Variants in FAM186A observed in about 807,000 individuals in gnomAD.
FAM186A encodes the protein family with sequence similarity 186 member A, also known as protein FAM186A.
FAM186A carries 163 observed loss-of-function variants against 216.8 expected under a neutral mutation model. That is an observed-to-expected ratio of 0.75 (90% confidence interval 0.66 to 0.86). The LOEUF (loss-of-function observed/expected upper bound fraction) is 0.86. Among genes scored for constraint, FAM186A ranks in the 40% least tolerant of loss-of-function variants. FAM186A has a pLI of 0.00. For synonymous variants in FAM186A, 805 were observed against 1,025.3 expected (o/e 0.79, Z 4.10); for missense variants, 2,184 against 2,746.2 (o/e 0.80, Z 4.58).
chr12:50,353,659 AG>A lies in FAM186A; in HGVS notation c.3172del (p.Leu1058CysfsTer50). The A allele has an allele frequency of 1.3e-6, 2 of 1,537,598 alleles. No homozygotes were observed. Among genetic ancestry groups the A allele is most frequent in the Non-Finnish European group, 1.8e-6 (2 of 1,141,574 alleles). ...ITPPPSLQYS[L>X]PGALPISGQP... Reference sequence around the variant, plus strand: ...GCCAGAAATAGGAAGAGCTCCAGGCAGGGAGTATTGTAGGGAGGGGGGAGGT... The same window carrying A: ...GCCAGAAATAGGAAGAGCTCCAGGCAGGAGTATTGTAGGGAGGGGGGAGGT... On this transcript the variant is annotated frameshift_variant, in exon 4 of 8. Transcript: ENST00000327337. LOFTEE classifies it high-confidence loss of function.
chr12:50,360,712 C>A, intron 3 of FAM186A, 44 bp downstream of exon 3: 1 of 1,442,198 alleles, frequency 6.9e-7, no homozygotes, highest in Non-Finnish European at 9.1e-7. Flanking sequence ...AAGAAAAAGT[C>A]AAACTCCATC....
At chr12:50,388,894 A>G (rs1229953879) in intron 1 of FAM186A, among the ~76,000 whole-genome samples, 1 of 151,578 alleles carries the variant, frequency 6.6e-6, no homozygotes, top group African/African-American at 2.4e-5. Flanking sequence ...TTCTACCAAA[A>G]ATACAAAAAT....
In FAM186A at chr12:50,354,059, G is replaced by A; in HGVS notation, c.2773C>T (p.Leu925=). The A allele has an allele frequency of 6.4e-7, 1 of 1,551,644 alleles. No individual in the cohort carries two copies. The highest frequency in any genetic ancestry group is 8.7e-7 in the Non-Finnish European group (1 of 1,146,986). ...EELPKSSLQR[L]EEGTQKMKTQ... ...TTCATTTTTTGGGTCCCTTCTTCCAGCCGCTGCAGGCTTGACTTTGGAAGC... is the reference window on the plus strand; with the variant it reads ...TTCATTTTTTGGGTCCCTTCTTCCAACCGCTGCAGGCTTGACTTTGGAAGC... Residue 925 remains leucine (L), a synonymous_variant, in exon 4 of 8, where the codon CTG becomes TTG. Coordinates refer to ENST00000327337, the MANE Select transcript of FAM186A (RefSeq NM_001145475.3).
chr12:50,375,172 C>T (rs906491712), intron 1 of FAM186A, among the ~76,000 whole-genome samples: 5 of 151,744 alleles, frequency 3.3e-5, no homozygotes, highest in African/African-American at 1.2e-4. Flanking sequence ...AGTGACACTC[C>T]ATCTCAAAAA....
intron 4 of FAM186A, among the ~76,000 whole-genome samples, chr12:50,344,635 G>A (rs1425846577): frequency 6.6e-6 from 1 of 152,060 alleles, no homozygotes; most frequent in African/African-American, 2.4e-5. Context: ...CCCAGTAATG[G>A]GATTGCTGGG....
chr12:50,359,324 G>T (rs1355142715), intron 3 of FAM186A, among the ~76,000 whole-genome samples: 1 of 152,034 alleles, frequency 6.6e-6, no homozygotes, highest in South Asian at 2.1e-4. Context: ...CTTGAACCCG[G>T]GAGGTGGAGG....
rs1260706086 is a variant in FAM186A at position 50,351,399 on chromosome 12, C to T, written c.5433G>A (p.Ala1811=). 15 of 1,468,636 alleles carry T rather than the reference C, an allele frequency of 1.0e-5. No homozygotes were observed. Among genetic ancestry groups the T allele is most frequent in the South Asian group, 1.5e-5 (1 of 68,406 alleles). The allele number at this position is 1,468,636 out of a possible 1,614,324, so 91.0% of individuals were successfully genotyped here. A position where few individuals can be genotyped will look rare whatever the true frequency, so the allele number is the denominator to read the frequency against. ...TLVYGGQSTS[A]QFPAPQAPPS... ...GAGGGGCCTGTGGTGCCGGGAACTG[C>T]GCAGAAGTGGATTGACCTCCGTATA... The change falls in exon 4 of 8, where the codon GCG becomes GCA. Residue 1811 remains alanine, a synonymous_variant. Coordinates refer to ENST00000327337, the MANE Select transcript of FAM186A (RefSeq NM_001145475.3).
chr12:50,346,191 G>GA (rs1942810408), intron 4 of FAM186A, among the ~76,000 whole-genome samples: 1 of 56,170 alleles, frequency 1.8e-5, no homozygotes, highest in Non-Finnish European at 3.3e-5. Context: ...AGAAAGGAAA[G>GA]AAAGAAAGAA....
At chr12:50,363,975 C>T (rs1420795407) in intron 1 of FAM186A, among the ~76,000 whole-genome samples, 2 of 152,148 alleles carry the variant, frequency 1.3e-5, no homozygotes, top group Non-Finnish European at 2.9e-5. Flanking sequence ...CTCTTTTCTT[C>T]ACTCTATCCT....
intron 1 of FAM186A, among the ~76,000 whole-genome samples, chr12:50,368,965 T>TAA (rs754206682): frequency 7.4e-6 from 1 of 135,206 alleles, no homozygotes; most frequent in Non-Finnish European, 1.6e-5. Flanking sequence ...GACAGTCTTT[T>TAA]AAAAAAAAAA....
chr12:50,372,905 AAAAAAAAAAAAAG>A (rs1943155279), intron 1 of FAM186A, among the ~76,000 whole-genome samples: 1 of 147,322 alleles, frequency 6.8e-6, no homozygotes, highest in African/African-American at 2.5e-5. Flanking sequence ...CTCCGTCTAA[AAAAAAAAAAAAAG>A]AAAAAAGAAA....
Position 50,363,332 on chromosome 12 carries a change from G to T in FAM186A, c.225C>A (p.Asn75Lys), listed in dbSNP as rs1025402796. Reference protein sequence around the residue: ...DIDMQLSEIMNNVHRIMTRYT... With the variant: ...DIDMQLSEIMKNVHRIMTRYT... ...AGCGAGTCATTATCCGATGCACATT[G>T]TTCATTATTTCACTCAGCTGCATAT... The change falls in exon 2 of 8, where the codon AAC becomes AAA. Residue 75 changes from asparagine to lysine, a missense_variant. Asn to Lys is a moderately conservative substitution (Grantham distance 94). Around this residue, in one of 7 missense-constraint regions of FAM186A, gnomAD observed 1,132 missense variants for 1,263.4 expected, o/e 0.90. Transcript: ENST00000327337. 3 of 1,551,028 alleles carry T rather than the reference G, an allele frequency of 1.9e-6. No individual in the cohort carries two copies. In the South Asian group the frequency reaches 3.6e-5, roughly 18 times the overall value.
rs1473841302 is a variant in FAM186A at position 50,330,587 on chromosome 12, T to A, written c.7020A>T (p.Ala2340=). The A allele has an allele frequency of 6.4e-7, 1 of 1,550,550 alleles. No individual in the cohort carries two copies. The highest frequency in any genetic ancestry group is 8.7e-7 in the Non-Finnish European group (1 of 1,146,618). ...EVQSTFRKSL[A]SLQSRVKKIP... ...CCATAACTTACCGTGATTGGAGGGA[T>A]GCAAGAGATTTTCGGAAGGTAGACT... Residue 2340 remains alanine, a synonymous_variant, in exon 7 of 8, where the codon GCA becomes GCT. Transcript: ENST00000327337.
At position 50,333,906 on chromosome 12, in the gene FAM186A, G is replaced by A. The variant is rs774070109; in HGVS notation, c.6696+5C>T. 8 of 1,549,536 alleles carry A rather than the reference G, an allele frequency of 5.2e-6. No homozygotes were observed. The highest frequency in any genetic ancestry group is 6.1e-6 in the Non-Finnish European group (7 of 1,146,274). Reference sequence around the variant, plus strand: ...GCTGGACAGAGGGAGTGGAAAGCAGGTTACCTGGTTGAATACGTGTATCAT... The same window carrying A: ...GCTGGACAGAGGGAGTGGAAAGCAGATTACCTGGTTGAATACGTGTATCAT... On this transcript the variant is annotated splice_donor_5th_base_variant and intron_variant, in intron 5 of 7. Coordinates refer to ENST00000327337, the MANE Select transcript of FAM186A (RefSeq NM_001145475.3).
intron 1 of FAM186A, among the ~76,000 whole-genome samples, chr12:50,365,228 C>T (rs2136098735): frequency 1.3e-5 from 2 of 152,144 alleles, no homozygotes; most frequent in Admixed American, 1.3e-4. Flanking sequence ...GTATTTAGTG[C>T]CAGTACAATA....
In FAM186A at chr12:50,355,460, A is replaced by C. The variant is rs762608538; in HGVS notation, c.1372T>G (p.Trp458Gly). Residue 458 changes from tryptophan to glycine, a missense_variant, in exon 4 of 8, where the codon TGG becomes GGG. By Grantham distance (184) the Trp-to-Gly change is radical. Transcript: ENST00000327337. The part of the protein sequence containing the change: ...QEDETDEYQS[W>G]KRSHKKATYV... ...GTGGCTTTTTTGTGGCTTCTTTTCC[A>C]TGATTGATACTCATCAGTCTCATCT... 2.6e-5 allele frequency: 41 copies of C among 1,550,994 alleles called. No homozygotes were observed. The highest frequency in any genetic ancestry group is 7.9e-5 in the Admixed American group (4 of 50,918).
At chr12:50,394,732 CTTTTTTTTTTTT>C (rs71083561) in intron 1 of FAM186A, among the ~76,000 whole-genome samples, 4 of 29,384 alleles carry the variant, frequency 1.4e-4, no homozygotes, top group African/African-American at 3.1e-4. Context: ...GGCTAACACT[CTTTTTTTTTTTT>C]TTTTTTTTTT....
Position 50,352,557 on chromosome 12 carries a change from A to G in FAM186A, c.4275T>C (p.Pro1425=). The stretch of plus-strand genomic sequence containing the variant: ...TGATCTCCTGAGCCTGTGCCTGCTG[A>G]GGGGTGAAAGGGATCCCCAATTCCT... ...QAQELGIPFT[P]QQAQAQEITL... The change falls in exon 4 of 8, where the codon CCT becomes CCC. Residue 1425 remains proline, a synonymous_variant. Transcript: ENST00000327337. 1 of 1,477,846 alleles carries G rather than the reference A, an allele frequency of 6.8e-7. No individual in the cohort carries two copies. The highest frequency in any genetic ancestry group is 9.0e-7 in the Non-Finnish European group (1 of 1,105,704). The allele number at this position is 1,477,846 out of a possible 1,614,324, so 91.5% of individuals were successfully genotyped here. A position where few individuals can be genotyped will look rare whatever the true frequency, so the allele number is the denominator to read the frequency against.
rs1378838054 is a variant in FAM186A at position 50,352,450 on chromosome 12, G to A, written c.4382C>T (p.Pro1461Leu). 4 of 1,494,914 alleles carry A rather than the reference G, an allele frequency of 2.7e-6. No individual in the cohort carries two copies. The highest frequency in any genetic ancestry group is 1.7e-4 in the Middle Eastern group (1 of 5,834). The allele number at this position is 1,494,914 out of a possible 1,614,324, so 92.6% of individuals were successfully genotyped here. ...QAQELGITLT[P>L]QQAQELGIPL... ...GATCCCCAATTCCTGAGCCTGCTGA[G>A]GGGTGAGAGTGATCCCCAGCTCCTG... The change falls in exon 4 of 8, where the codon CCT (proline) becomes CTT (leucine). Residue 1461 changes from proline to leucine, a missense_variant. Physicochemically the swap from Pro to Leu is moderately conservative, Grantham distance 98. This residue lies in a region of FAM186A where 267 missense variants were observed against 446.2 expected (regional missense o/e 0.60). Transcript: ENST00000327337.
Sources: gnomAD v4.1 joint callset for allele counts (sites outside exome capture counted in the v4.1 genomes callset) on GRCh38, gnomAD v4.1.1 for gene constraint, gnomAD v4.1.1 regional missense constraint, MANE v1.5 for transcripts, NCBI Gene and HGNC (gene_info 2026-07-23, HGNC 2026-07-21) for gene names.